CATSPER2: variants seen among roughly 807,000 people sequenced by gnomAD.
CATSPER2 encodes the protein cation channel sperm-associated protein 2.
Under a neutral mutation model 68.8 loss-of-function variants are expected in CATSPER2, and 56 were observed. The observed-to-expected ratio is 0.81, with a 90% CI of 0.66 to 1.02. The LOEUF is 1.02. CATSPER2 is among the 50% of genes least tolerant of loss of function. The pLI is 0.00. For missense variants in CATSPER2, 582 were observed against 642.0 expected (o/e 0.91, Z 1.01); for synonymous variants, 198 against 229.9 (o/e 0.86, Z 1.26).
chr15:43,639,611 C>T (rs1420552318), intron 6 of CATSPER2, 32 bp downstream of exon 6: 2 of 1,611,596 alleles, frequency 1.2e-6, no homozygotes, highest in South Asian at 1.1e-5. Context: ...ATCTACCTTG[C>T]CCCCTGCTTT....
chr15:43,640,204 C>T (rs544812875), intron 5 of CATSPER2, 120 bp downstream of exon 5: 1 of 1,577,916 alleles, frequency 6.3e-7, no homozygotes, highest in African/African-American at 1.4e-5. Context: ...GAAAAAAAAT[C>T]AAAAGAAAGA....
Position 43,638,858 on chromosome 15 carries a change from T to C in CATSPER2, c.842+46A>G, listed in dbSNP as rs181613755. 3,560 of 1,609,444 alleles carry C rather than the reference T, an allele frequency of 2.2e-3. 35 individuals are homozygous for C. Among genetic ancestry groups the C allele is most frequent in the Admixed American group, 5.5e-3 (328 of 59,906 alleles). ...ACTTTGGACAAGCTTCCTGGTCTCTTAGCCAAATTTTCTCCCCTCACCCAG... is the reference window on the plus strand; with the variant it reads ...ACTTTGGACAAGCTTCCTGGTCTCTCAGCCAAATTTTCTCCCCTCACCCAG... On this transcript the variant is annotated intron_variant, in intron 7 of 12. Transcript: ENST00000396879.
chr15:43,648,851 C>A, upstream of CATSPER2: 1 of 1,525,738 alleles, frequency 6.6e-7, no homozygotes, highest in Non-Finnish European at 8.8e-7. Context: ...CAACGCTCGC[C>A]CAGCCACTCG....
chr15:43,637,854 TATA>T (rs1325192433), intron 7 of CATSPER2: 8 of 152,114 alleles, frequency 5.3e-5, no homozygotes, highest in East Asian at 3.9e-4. Flanking sequence ...ATTGATCACT[TATA>T]ATGTGTTACA....
intron 4 of CATSPER2, among the ~76,000 whole-genome samples, chr15:43,643,510 T>C (rs1443175781): frequency 5.9e-5 from 9 of 151,820 alleles, no homozygotes; most frequent in Non-Finnish European, 7.4e-5. Context: ...CTAATTCTTG[T>C]ATTTTCAGTA....
chr15:43,632,547 C>G, intron 11 of CATSPER2, 170 bp downstream of exon 11: 1 of 1,462,026 alleles, frequency 6.8e-7, no homozygotes, highest in Admixed American at 1.8e-5. Flanking sequence ...GCCACACTTA[C>G]CCGAAGTGAA....
intron 4 of CATSPER2, among the ~76,000 whole-genome samples, chr15:43,643,493 A>C (rs917580632): frequency 2.2e-4 from 34 of 151,630 alleles, no homozygotes; most frequent in African/African-American, 7.7e-4. Flanking sequence ...GCGCATCACC[A>C]TACCCACTAA....
Position 43,628,850 on chromosome 15 carries a change from T to A in CATSPER2, c.*1851A>T, listed in dbSNP as rs2085840612. 1 of 145,724 alleles carries A rather than the reference T, an allele frequency of 6.9e-6. No individual in the cohort carries two copies. The highest frequency in any genetic ancestry group is 2.2e-4 in the South Asian group (1 of 4,580). The allele number at this position is 145,724 out of a possible 1,614,324, so 9.0% of individuals were successfully genotyped here. On this transcript the variant is annotated 3_prime_UTR_variant, in exon 13 of 13. Transcript: ENST00000396879. ...ACTTACCTGCAGTTAATGCCCAAAT[T>A]TTAAGTGTACATTTTGTTGAATTTT...
chr15:43,635,681 G>GA (rs1269545030), intron 9 of CATSPER2, 46 bp downstream of exon 9: 1 of 1,555,812 alleles, frequency 6.4e-7, no homozygotes, highest in Non-Finnish European at 8.8e-7. Flanking sequence ...ATGAGCTCAG[G>GA]AAACCCTTGA....
chr15:43,631,784 T>C (rs1382589634), intron 12 of CATSPER2, among the ~76,000 whole-genome samples: 1 of 151,836 alleles, frequency 6.6e-6, no homozygotes, highest in Non-Finnish European at 1.5e-5. Context: ...CCCCCATAGC[T>C]CTCCAGCTTG....
intron 12 of CATSPER2, chr15:43,631,525 G>A (rs113282100): frequency 2.1e-5 from 8 of 381,404 alleles, no homozygotes; most frequent in African/African-American, 4.3e-5. Flanking sequence ...CACCGTGCCC[G>A]GCCTTTTTTT....
intron 8 of CATSPER2, 106 bp from the exon 9 acceptor site, chr15:43,635,932 C>T: frequency 8.1e-7 from 1 of 1,234,626 alleles, no homozygotes; most frequent in South Asian, 1.3e-5. Flanking sequence ...GAACCCAAGC[C>T]TTCCTGCTAC....
At chr15:43,644,626 G>A (rs1463886472) in intron 4 of CATSPER2, among the ~76,000 whole-genome samples, 1 of 151,818 alleles carries the variant, frequency 6.6e-6, no homozygotes, top group East Asian at 1.9e-4. Context: ...GATCAGCTGC[G>A]GCATTAGATT....
rs916062968 is a variant in CATSPER2 at position 43,648,721 on chromosome 15, G to C, written c.-95C>G. ...GAGCCTGGCTACCCCTATGCAAGACGAGCTCAGGGCCGGCTCCCAGCCTCA... is the reference window on the plus strand; with the variant it reads ...GAGCCTGGCTACCCCTATGCAAGACCAGCTCAGGGCCGGCTCCCAGCCTCA... On this transcript the variant is annotated 5_prime_UTR_variant, in exon 1 of 13. Coordinates refer to ENST00000396879, the MANE Select transcript of CATSPER2 (RefSeq NM_172095.4). The C allele has an allele frequency of 1.3e-6, 2 of 1,499,186 alleles. No individual in the cohort carries two copies. The highest frequency in any genetic ancestry group is 1.8e-6 in the Non-Finnish European group (2 of 1,128,650). 92.9% of individuals were successfully genotyped at this position (1,499,186 alleles called of 1,614,324 possible). A position where few individuals can be genotyped will look rare whatever the true frequency, so the allele number is the denominator to read the frequency against.
At chr15:43,633,256 A>G (rs2614817) in intron 10 of CATSPER2, 29 of 394,350 alleles carry the variant, frequency 7.4e-5, no homozygotes, top group Admixed American at 4.2e-4. Context: ...TAGCCTCCCA[A>G]CTGATCTCTC....
chr15:43,635,244 T>C, intron 10 of CATSPER2, 116 bp downstream of exon 10: 1 of 979,736 alleles, frequency 1.0e-6, no homozygotes, highest in South Asian at 1.3e-5. Flanking sequence ...GTCAACCTAC[T>C]ACAATATGCA....
intron 2 of CATSPER2, 38 bp downstream of exon 2, chr15:43,647,879 G>C: frequency 1.2e-6 from 2 of 1,606,102 alleles, no homozygotes; most frequent in Non-Finnish European, 1.7e-6. Flanking sequence ...GTGGATAGGA[G>C]TCTTAAATTT....
At chr15:43,641,495 G>A (rs1310059910) in intron 4 of CATSPER2, among the ~76,000 whole-genome samples, 3 of 148,590 alleles carry the variant, frequency 2.0e-5, no homozygotes, top group Non-Finnish European at 4.4e-5. Flanking sequence ...TACAATGAAT[G>A]GATGTATGCC....
chr15:43,648,794 C>T lies in CATSPER2; in HGVS notation c.-168G>A, dbSNP rs545565154. 53 of 1,531,876 alleles carry T rather than the reference C, an allele frequency of 3.5e-5. No homozygotes were observed. The East Asian group carries it at 1.2e-3, about 35-fold the overall frequency. 94.9% of individuals were successfully genotyped at this position (1,531,876 alleles called of 1,614,324 possible). On this transcript the variant is annotated 5_prime_UTR_variant, in exon 1 of 13. Transcript: ENST00000396879. ...CTCGACCCCCAGGTTTCGGCTCACC[C>T]CGGGACCCGGCCCTAGCCCCTACCC... is the stretch of plus-strand genomic sequence containing the variant.
Sources: allele counts gnomAD v4.1 joint callset (sites outside exome capture counted in the v4.1 genomes callset), GRCh38; gene constraint gnomAD v4.1.1; transcripts MANE v1.5; gene names NCBI Gene and HGNC (gene_info 2026-07-23, HGNC 2026-07-21).